The following EML1 variants were observed in gnomAD, a reference collection of about 807,000 sequenced individuals.
EML1 encodes the protein echinoderm microtubule-associated protein-like 1.
A neutral mutation model predicts 110.4 loss-of-function variants in EML1; 27 were observed. That is an observed-to-expected ratio of 0.24 (90% CI 0.18 to 0.34). EML1 has a LOEUF of 0.34. Ranked by LOEUF, EML1 falls within the 10% of genes least tolerant of loss-of-function variation. The pLI is 1.00. For missense variants in EML1, 741 were observed against 1,030.9 expected, an observed-to-expected ratio of 0.72 and a Z score of 3.85; for synonymous variants, 344 against 385.8, an observed-to-expected ratio of 0.89 and a Z score of 1.27.
chr14:99,777,716 G>C, intron 1 of EML1, among the ~76,000 whole-genome samples: 1 of 152,282 alleles, frequency 6.6e-6, no homozygotes, highest in Non-Finnish European at 1.5e-5. Context: ...CACCACGCCC[G>C]CTGCCTTTAC....
chr14:99,738,806 G>A (rs1216896856), intron 1 of EML1, among the ~76,000 whole-genome samples: 1 of 152,202 alleles, frequency 6.6e-6, no homozygotes, highest in East Asian at 1.9e-4. Flanking sequence ...CAGCAGATGG[G>A]CATCCCAGGC....
chr14:99,922,970 A>T (rs1405777965), intron 17 of EML1, among the ~76,000 whole-genome samples: 1 of 152,126 alleles, frequency 6.6e-6, no homozygotes, highest in Admixed American at 6.6e-5. Context: ...TTGAGACAGC[A>T]TCTCACTCTG....
intron 1 of EML1, among the ~76,000 whole-genome samples, chr14:99,800,789 C>A (rs565832720): frequency 1.4e-4 from 22 of 152,332 alleles, no homozygotes; most frequent in Non-Finnish European, 2.6e-4. Context: ...TGTTAAAATG[C>A]AGTCATTTAT....
At chr14:99,834,518 T>G (rs1049658489) in intron 1 of EML1, among the ~76,000 whole-genome samples, 48 of 152,248 alleles carry the variant, frequency 3.2e-4, no homozygotes, top group African/African-American at 1.0e-3. Context: ...GTTAGGCTGG[T>G]CTCAAACACC....
chr14:99,796,282 T>G (rs1174386693), intron 1 of EML1, among the ~76,000 whole-genome samples: 1 of 151,160 alleles, frequency 6.6e-6, no homozygotes, highest in East Asian at 1.9e-4. Flanking sequence ...TTCTAATGAA[T>G]GAAATTTCTG....
chr14:99,890,898 G>A (rs569585749), intron 4 of EML1, among the ~76,000 whole-genome samples: 2 of 152,278 alleles, frequency 1.3e-5, no homozygotes, highest in African/African-American at 4.8e-5. Context: ...CATTTAGACA[G>A]GGTCATTCCC....
rs898466337 is a variant in EML1, at chr14:99,748,198, AAGCCCCTGCCCGCAGCCCCAGGAC to A, written c.28+10361_28+10384del. The stretch of plus-strand genomic sequence containing the variant: ...CAGGGATGGCATCGCTGCTCTGGGA[AAGCCCCTGCCCGCAGCCCCAGGAC>A]AGCCCCTGCCCGCAGCCCCAGGCCT... On this transcript the variant is annotated intron_variant, in intron 1 of 10. Transcript: ENST00000554479. Among the ~76,000 whole-genome samples, 7 of 152,124 alleles carry A rather than the reference AAGCCCCTGCCCGCAGCCCCAGGAC, an allele frequency of 4.6e-5. No homozygotes were observed. The South Asian group carries it at 1.0e-3, about 23-fold the overall frequency.
chr14:99,863,309 G>A (rs956340693), intron 2 of EML1, among the ~76,000 whole-genome samples: 1 of 152,150 alleles, frequency 6.6e-6, no homozygotes, highest in African/African-American at 2.4e-5. Flanking sequence ...CTTCAGTGAG[G>A]TTGTCATATG....
intron 2 of EML1, among the ~76,000 whole-genome samples, chr14:99,860,945 TC>T (rs1218861982): frequency 1.3e-5 from 2 of 152,226 alleles, no homozygotes; most frequent in Non-Finnish European, 2.9e-5. Flanking sequence ...TGGGAATGCC[TC>T]CTGCATTGCA....
At chr14:99,896,508 C>G (rs2059673591) in intron 6 of EML1, among the ~76,000 whole-genome samples, 1 of 152,234 alleles carries the variant, frequency 6.6e-6, no homozygotes, top group African/African-American at 2.4e-5. Context: ...AAACATTATT[C>G]AAAACATTTA....
At chr14:99,867,857 T>C (rs1355544219) in intron 3 of EML1, among the ~76,000 whole-genome samples, 1 of 152,218 alleles carries the variant, frequency 6.6e-6, no homozygotes, top group Non-Finnish European at 1.5e-5. Flanking sequence ...GAGTACTATG[T>C]TGAATAATAG....
At chr14:99,879,647 C>T (rs1595423251) in intron 4 of EML1, among the ~76,000 whole-genome samples, 2 of 152,188 alleles carry the variant, frequency 1.3e-5, no homozygotes, top group Admixed American at 6.5e-5. Flanking sequence ...GTCAGGTCCA[C>T]GGTCTATTAA....
At chr14:99,778,622 G>A (rs954451788) in intron 1 of EML1, among the ~76,000 whole-genome samples, 2 of 152,038 alleles carry the variant, frequency 1.3e-5, no homozygotes, top group African/African-American at 4.8e-5. Context: ...CCCTCGTTTT[G>A]GTGAAGCACA....
intron 2 of EML1, among the ~76,000 whole-genome samples, chr14:99,864,244 T>C (rs577937568): frequency 2.0e-4 from 31 of 152,340 alleles, no homozygotes; most frequent in Admixed American, 4.6e-4. Flanking sequence ...TATACAAGTC[T>C]TTTATCAGAT....
At chr14:99,748,704 T>C (rs1331245245) in intron 1 of EML1, among the ~76,000 whole-genome samples, 1 of 152,188 alleles carries the variant, frequency 6.6e-6, no homozygotes, top group Non-Finnish European at 1.5e-5. Context: ...CATTTAAAAG[T>C]ATATATCCAG....
intron 14 of EML1, 61 bp from the exon 15 acceptor site, chr14:99,914,505 C>T (rs531494512): frequency 3.2e-5 from 49 of 1,548,562 alleles, no homozygotes; most frequent in Admixed American, 6.5e-5. Flanking sequence ...TCATCCCTTA[C>T]GGCTCCTGAG....
rs1043852275 is a variant in EML1, at chr14:99,806,395, C to T, written c.67+12852C>T. On this transcript the variant is annotated intron_variant, in intron 1 of 21. Coordinates refer to ENST00000262233, the MANE Select transcript of EML1 (RefSeq NM_004434.3). ...CAGTGGCGTTAATCTCGGCTCACCGCAACCTCTGCCTCCCGGGTTCAAGCG... is the reference window on the plus strand; with the variant it reads ...CAGTGGCGTTAATCTCGGCTCACCGTAACCTCTGCCTCCCGGGTTCAAGCG... Among the ~76,000 whole-genome samples the T allele has an allele frequency of 2.7e-5, 4 of 148,980 alleles. No individual in the cohort carries two copies. In the Admixed American group the frequency reaches 2.7e-4, roughly 10 times the overall value.
chr14:99,773,505 A>G lies in EML1; in HGVS notation c.-535A>G, dbSNP rs575226896. 3 of 152,348 alleles carry G rather than the reference A, an allele frequency of 2.0e-5. No homozygotes were observed. The East Asian group carries it at 5.8e-4, about 29-fold the overall frequency. 9.4% of individuals were successfully genotyped at this position (152,348 alleles called of 1,614,324 possible). A position where few individuals can be genotyped will look rare whatever the true frequency, so the allele number is the denominator to read the frequency against. ...AGGACCATGCCGCTGGAACAGGAAA[A>G]AGGTTTTCCAGTTTTACCCCAGGCA... On this transcript the variant is annotated 5_prime_UTR_variant, in exon 1 of 23. Coordinates refer to the EML1 transcript ENST00000327921.
At chr14:99,894,496 C>A in intron 5 of EML1, 133 bp from the exon 6 acceptor site, 1 of 1,105,374 alleles carries the variant, frequency 9.0e-7, no homozygotes, top group Non-Finnish European at 1.2e-6. Flanking sequence ...ACTTTTTTCC[C>A]TAGGATATCA....
Sources: gnomAD v4.1 joint callset for allele counts (sites outside exome capture counted in the v4.1 genomes callset) on GRCh38, gnomAD v4.1.1 for gene constraint, MANE v1.5 for transcripts, NCBI Gene and HGNC (gene_info 2026-07-23, HGNC 2026-07-21) for gene names.